The following CDH13 variants were observed in gnomAD, a reference collection of about 807,000 sequenced individuals.
The protein encoded by CDH13 is cadherin 13.
Under a neutral mutation model 63.8 loss-of-function variants are expected in CDH13, and 24 were observed. The ratio of observed to expected loss-of-function variants is 0.38; its 90% CI spans 0.27 to 0.53. The LOEUF (loss-of-function observed/expected upper bound fraction) is 0.53. CDH13 is among the 20% of genes least tolerant of loss of function. The pLI is 0.85. For missense variants in CDH13, 1,049 were observed against 903.1 expected (o/e 1.16, Z -2.07); for synonymous variants, 503 against 355.3 (o/e 1.42, Z -4.67).
At chr16:82,968,730 G>C (rs1483668469) in intron 2 of CDH13, among the ~76,000 whole-genome samples, 1 of 152,132 alleles carries the variant, frequency 6.6e-6, no homozygotes, top group Non-Finnish European at 1.5e-5. Context: ...TTTTGTTCTA[G>C]CATCAGTCAT....
chr16:83,554,237 A>G (rs1348537603), intron 7 of CDH13, among the ~76,000 whole-genome samples: 4 of 152,202 alleles, frequency 2.6e-5, no homozygotes, highest in Admixed American at 2.0e-4. Flanking sequence ...AAAATAGGCA[A>G]TGGAGGAGAG....
intron 2 of CDH13, among the ~76,000 whole-genome samples, chr16:82,960,965 T>C (rs1025244638): frequency 2.6e-5 from 4 of 152,340 alleles, no homozygotes; most frequent in African/African-American, 9.6e-5. Context: ...GGATAGTTTT[T>C]TCATTGCTGG....
chr16:83,216,411 T>TAA (rs1567513835), intron 4 of CDH13, among the ~76,000 whole-genome samples: 1 of 80,006 alleles, frequency 1.2e-5, no homozygotes, highest in African/African-American at 4.5e-5. Flanking sequence ...TATATATATA[T>TAA]ATATATATAT....
chr16:83,337,963 C>G (rs1177702018), intron 5 of CDH13, among the ~76,000 whole-genome samples: 1 of 152,000 alleles, frequency 6.6e-6, no homozygotes, highest in East Asian at 1.9e-4. Flanking sequence ...CATGCAAAAA[C>G]ATTCAGCAAG....
At chr16:83,598,164 A>G (rs1221358125) in intron 7 of CDH13, among the ~76,000 whole-genome samples, 7 of 152,188 alleles carry the variant, frequency 4.6e-5, no homozygotes, top group Admixed American at 3.3e-4. Flanking sequence ...TAAGGAGTTC[A>G]GGACCAGCCT....
chr16:83,000,223 A>ATTTTGTTT (rs1912729242), intron 2 of CDH13, among the ~76,000 whole-genome samples: 1 of 36,986 alleles, frequency 2.7e-5, no homozygotes, highest in Non-Finnish European at 6.0e-5. Context: ...GGTTTAGCTT[A>ATTTTGTTT]TTTTTTTTTT....
chr16:83,634,626 C>G (rs912117811), intron 8 of CDH13, among the ~76,000 whole-genome samples: 2 of 152,066 alleles, frequency 1.3e-5, no homozygotes, highest in African/African-American at 4.8e-5. Context: ...GTCTTGAACT[C>G]CTGACCTCAG....
chr16:83,175,314 T>G (rs1293587102), intron 4 of CDH13, among the ~76,000 whole-genome samples: 1 of 152,142 alleles, frequency 6.6e-6, no homozygotes, highest in African/African-American at 2.4e-5. Flanking sequence ...TATATGAAGT[T>G]ATCAATAGTT....
chr16:83,416,526 C>G (rs952581482), intron 6 of CDH13, among the ~76,000 whole-genome samples: 1 of 152,170 alleles, frequency 6.6e-6, no homozygotes, highest in Non-Finnish European at 1.5e-5. Flanking sequence ...CAGTTAATAA[C>G]ATTTTCTGTT....
At chr16:83,040,232 C>T (rs1348964792) in intron 3 of CDH13, among the ~76,000 whole-genome samples, 2 of 151,894 alleles carry the variant, frequency 1.3e-5, no homozygotes, top group East Asian at 3.9e-4. Flanking sequence ...TTCAATGAAT[C>T]AACACGTGTG....
intron 5 of CDH13, among the ~76,000 whole-genome samples, chr16:83,307,331 T>A (rs140882758): frequency 3.3e-4 from 50 of 152,324 alleles, no homozygotes; most frequent in Middle Eastern, 6.8e-3. Flanking sequence ...CATTTTTTCT[T>A]AAGCCCTTCT....
At chr16:82,923,089 A>T (rs933272614) in intron 2 of CDH13, among the ~76,000 whole-genome samples, 2 of 152,222 alleles carry the variant, frequency 1.3e-5, no homozygotes, top group Non-Finnish European at 2.9e-5. Context: ...CTCAAAGAAC[A>T]CATGTTTTAG....
chr16:82,708,435 G>A (rs1009844515), intron 1 of CDH13, among the ~76,000 whole-genome samples: 7 of 152,130 alleles, frequency 4.6e-5, no homozygotes, highest in Admixed American at 1.3e-4. Flanking sequence ...GCTCTCCTTC[G>A]TGCTTCTCTA....
chr16:82,802,500 C>A (rs2036915544), intron 1 of CDH13, among the ~76,000 whole-genome samples: 1 of 152,148 alleles, frequency 6.6e-6, no homozygotes, highest in Non-Finnish European at 1.5e-5. Context: ...GGTGCTCTAT[C>A]AGGGACAGAT....
At chr16:83,561,380 T>C (rs775668278) in intron 7 of CDH13, among the ~76,000 whole-genome samples, 5 of 148,492 alleles carry the variant, frequency 3.4e-5, no homozygotes, top group Non-Finnish European at 7.4e-5. Flanking sequence ...GAGCTGAGAT[T>C]GTGCCATTGC....
At chr16:83,127,041 G>A (rs1176742694) in intron 4 of CDH13, among the ~76,000 whole-genome samples, 2 of 152,186 alleles carry the variant, frequency 1.3e-5, no homozygotes, top group East Asian at 1.9e-4. Context: ...AGGGGAGACT[G>A]GAAGGGTGAG....
At chr16:83,771,512 G>A (rs1353954297) in intron 11 of CDH13, among the ~76,000 whole-genome samples, 2 of 152,200 alleles carry the variant, frequency 1.3e-5, no homozygotes, top group Non-Finnish European at 2.9e-5. Context: ...GAAGACCGTG[G>A]CAGGGTGCCA....
At chr16:83,259,167 G>T (rs992423570) in intron 5 of CDH13, among the ~76,000 whole-genome samples, 1 of 152,150 alleles carries the variant, frequency 6.6e-6, no homozygotes, top group African/African-American at 2.4e-5. Flanking sequence ...TCACTAAGAA[G>T]ATGAGTTGGA....
intron 1 of CDH13, among the ~76,000 whole-genome samples, chr16:82,814,815 C>A (rs1049455618): frequency 1.1e-4 from 16 of 152,092 alleles, no homozygotes; most frequent in African/African-American, 3.9e-4. Context: ...TTGTGACTGG[C>A]ATCTGAAGTA....
Sources: gnomAD v4.1 joint callset for allele counts (sites outside exome capture counted in the v4.1 genomes callset) on GRCh38, gnomAD v4.1.1 for gene constraint, MANE v1.5 for transcripts, NCBI Gene and HGNC (gene_info 2026-07-23, HGNC 2026-07-21) for gene names.